Variants in CNTN5 observed in about 807,000 individuals in gnomAD.
The protein encoded by CNTN5 is contactin 5.
Under a neutral mutation model 129.1 loss-of-function variants are expected in CNTN5, and 77 were observed. The observed-to-expected ratio is 0.60, with a 90% CI of 0.50 to 0.72. The LOEUF (loss-of-function observed/expected upper bound fraction) is 0.72. Among genes scored for constraint, CNTN5 ranks in the 30% least tolerant of loss-of-function variants. The pLI is 0.00. For synonymous variants in CNTN5, 509 were observed against 465.6 expected (o/e 1.09, Z -1.20); for missense variants, 1,478 against 1,328.8 (o/e 1.11, Z -1.75).
In CNTN5 at chr11:99,693,083, TAAGC is replaced by T. The variant is rs149682999; in HGVS notation, c.56-126455_56-126452del. Among the ~76,000 whole-genome samples the T allele has an allele frequency of 4.2e-3, 637 of 152,272 alleles. 3 individuals are homozygous for T. Among genetic ancestry groups the T allele is most frequent in the African/African-American group, 0.014 (578 of 41,576 alleles). On this transcript the variant is annotated intron_variant, in intron 3 of 24. Transcript: ENST00000524871. ...AAATTTTCAAGCTGTAAAAATTACA[TAAGC>T]AAGCAGTTGAAACATTTCTGCAATA...
chr11:99,904,651 A>G (rs1324926724), intron 6 of CNTN5, among the ~76,000 whole-genome samples: 2 of 152,320 alleles, frequency 1.3e-5, no homozygotes, highest in Non-Finnish European at 2.9e-5. Flanking sequence ...CTTTTGGTAT[A>G]TACCCAGTAA....
At chr11:99,912,881 A>T (rs972017275) in intron 6 of CNTN5, among the ~76,000 whole-genome samples, 13 of 151,974 alleles carry the variant, frequency 8.6e-5, no homozygotes, top group Non-Finnish European at 1.8e-4. Flanking sequence ...AAAGATATTT[A>T]TTTCAGTGTG....
chr11:99,565,677 T>A (rs1436635793), intron 3 of CNTN5, among the ~76,000 whole-genome samples: 2 of 152,238 alleles, frequency 1.3e-5, no homozygotes, highest in African/African-American at 4.8e-5. Context: ...TAAAATTGCC[T>A]ACATTCTCCT....
At chr11:99,853,962 C>T (rs896426137) in intron 6 of CNTN5, among the ~76,000 whole-genome samples, 1 of 152,122 alleles carries the variant, frequency 6.6e-6, no homozygotes, top group South Asian at 2.1e-4. Context: ...ATAATACTGC[C>T]TTGTTCAACT....
At chr11:100,336,913 A>G (rs1267411213) in intron 21 of CNTN5, 8 of 603,814 alleles carry the variant, frequency 1.3e-5, no homozygotes, top group Non-Finnish European at 2.4e-5. Context: ...GCCGGTGAAT[A>G]CATGCAGTCC....
intron 2 of CNTN5, among the ~76,000 whole-genome samples, chr11:99,366,227 G>A (rs1002395122): frequency 5.9e-5 from 9 of 151,996 alleles, no homozygotes; most frequent in South Asian, 2.1e-4. Context: ...GTGAGTGGCC[G>A]GAATTATAAT....
chr11:99,745,651 C>T lies in CNTN5; in HGVS notation c.56-73893C>T, dbSNP rs570402766. ...TTTACTACTGTGGATCCCAAAGGGG[C>T]CAGCAACATAAATTTCAAATATTTG... On this transcript the variant is annotated intron_variant, in intron 3 of 24. Transcript: ENST00000524871. 1.1e-4 allele frequency among the ~76,000 whole-genome samples: 17 copies of T among 152,126 alleles called. 2 individuals carry two copies. In the South Asian group the frequency reaches 3.5e-3, roughly 32 times the overall value.
intron 1 of CNTN5, among the ~76,000 whole-genome samples, chr11:99,090,947 C>T (rs7122282): frequency 1.4e-5 from 2 of 147,560 alleles, no homozygotes; most frequent in African/African-American, 5.0e-5. Flanking sequence ...GCGTGAACCC[C>T]GGAGGCGGAG....
At chr11:99,943,083 T>C (rs1950477491) in intron 7 of CNTN5, among the ~76,000 whole-genome samples, 1 of 152,146 alleles carries the variant, frequency 6.6e-6, no homozygotes, top group African/African-American at 2.4e-5. Context: ...ATTGAGTATC[T>C]GGTTCTAGAT....
At chr11:99,848,278 A>G (rs1007117871) in intron 6 of CNTN5, among the ~76,000 whole-genome samples, 12 of 152,274 alleles carry the variant, frequency 7.9e-5, no homozygotes, top group Middle Eastern at 3.4e-3. Flanking sequence ...TCTGAAGACC[A>G]GGCTTGTAGG....
chr11:99,657,134 C>T (rs1463686267), intron 3 of CNTN5, among the ~76,000 whole-genome samples: 1 of 151,504 alleles, frequency 6.6e-6, no homozygotes, highest in African/African-American at 2.4e-5. Flanking sequence ...CGCAAACCTC[C>T]AACAAAATCT....
chr11:99,690,011 A>G (rs1036352546), intron 3 of CNTN5, among the ~76,000 whole-genome samples: 3 of 152,160 alleles, frequency 2.0e-5, no homozygotes, highest in Non-Finnish European at 4.4e-5. Context: ...GCCCATGCCT[A>G]TGTCCTGAAT....
chr11:99,878,910 G>A (rs1409460874), intron 6 of CNTN5, among the ~76,000 whole-genome samples: 1 of 152,036 alleles, frequency 6.6e-6, no homozygotes, highest in Non-Finnish European at 1.5e-5. Context: ...AAAGGTTCTG[G>A]TGAAGATACA....
intron 2 of CNTN5, among the ~76,000 whole-genome samples, chr11:99,455,147 C>A (rs1258836135): frequency 6.6e-6 from 1 of 152,102 alleles, no homozygotes; most frequent in Non-Finnish European, 1.5e-5. Context: ...ATCCTCTCTG[C>A]AGAAAACTAA....
At chr11:99,983,881 G>C (rs1052593384) in intron 8 of CNTN5, among the ~76,000 whole-genome samples, 2 of 152,108 alleles carry the variant, frequency 1.3e-5, no homozygotes, top group African/African-American at 4.8e-5. Flanking sequence ...GGTTAGATAG[G>C]AGCATTCAGA....
chr11:99,228,423 G>A (rs1036661309), intron 1 of CNTN5, among the ~76,000 whole-genome samples: 3 of 152,008 alleles, frequency 2.0e-5, no homozygotes, highest in Non-Finnish European at 4.4e-5. Context: ...TTTAATAGCA[G>A]AGCAGGGTGA....
In CNTN5 at chr11:99,297,324, C is replaced by T. The variant is rs544307893; in HGVS notation, c.-209-28022C>T. Among the ~76,000 whole-genome samples the T allele has an allele frequency of 1.5e-4, 23 of 152,268 alleles. No homozygotes were observed. The South Asian group carries it at 3.9e-3, about 26-fold the overall frequency. On this transcript the variant is annotated intron_variant, in intron 1 of 24. Transcript: ENST00000524871. ...GCTTCTCAGTAGCAAAGGGGTCTTTCCCAGCAGTCCCATCATCTCTCAAGT... is the reference window on the plus strand; with the variant it reads ...GCTTCTCAGTAGCAAAGGGGTCTTTTCCAGCAGTCCCATCATCTCTCAAGT...
chr11:99,291,665 C>A (rs1864177263), intron 1 of CNTN5, among the ~76,000 whole-genome samples: 1 of 151,932 alleles, frequency 6.6e-6, no homozygotes. Context: ...AAAGTGAATA[C>A]TTTGTTCTTT....
intron 2 of CNTN5, among the ~76,000 whole-genome samples, chr11:99,363,241 A>G (rs562763756): frequency 2.0e-4 from 30 of 152,202 alleles, no homozygotes; most frequent in Admixed American, 1.7e-3. Context: ...CCTTGGTGAA[A>G]CTATCCCTAC....
Sources: allele counts gnomAD v4.1 joint callset (sites outside exome capture counted in the v4.1 genomes callset), GRCh38; gene constraint gnomAD v4.1.1; transcripts MANE v1.5; gene names NCBI Gene and HGNC (gene_info 2026-07-23, HGNC 2026-07-21).